The following GDAP1L1 variants were observed in gnomAD, a reference collection of about 807,000 sequenced individuals.
GDAP1L1 encodes the protein ganglioside-induced differentiation-associated protein 1-like 1.
In GDAP1L1, 21 loss-of-function variants were observed where a neutral mutation model predicts 37.1. The ratio of observed to expected loss-of-function variants is 0.57; its 90% CI spans 0.40 to 0.81. GDAP1L1 has a LOEUF of 0.81. Among genes scored for constraint, GDAP1L1 ranks in the 40% least tolerant of loss-of-function variants. The pLI is 0.00. For synonymous variants in GDAP1L1, 193 were observed against 209.1 expected (o/e 0.92, Z 0.67); for missense variants, 362 against 491.6 (o/e 0.74, Z 2.49).
intron 5 of GDAP1L1, chr20:44,264,970 T>C (rs2073738692): frequency 1.0e-6 from 1 of 985,162 alleles, no homozygotes; most frequent in Admixed American, 6.2e-5. Flanking sequence ...TCTCGATGGG[T>C]CCAGTGTTGT....
chr20:44,264,777 C>T, intron 5 of GDAP1L1: 1 of 1,201,002 alleles, frequency 8.3e-7, no homozygotes. Flanking sequence ...TTCAGTTTCC[C>T]ATCTATAAAA....
At chr20:44,266,329 A>T (rs1006514054) in intron 5 of GDAP1L1, among the ~76,000 whole-genome samples, 5 of 152,080 alleles carry the variant, frequency 3.3e-5, no homozygotes, top group African/African-American at 1.2e-4. Context: ...CCAAAAAAAA[A>T]AAAGGAACTT....
intron 5 of GDAP1L1, among the ~76,000 whole-genome samples, chr20:44,270,422 G>A (rs560495195): frequency 4.0e-4 from 61 of 152,076 alleles, no homozygotes; most frequent in African/African-American, 1.2e-3. Flanking sequence ...CACCCGCCTC[G>A]GCCTCCCAAA....
At chr20:44,258,096 G>A in intron 2 of GDAP1L1, 1 of 713,312 alleles carries the variant, frequency 1.4e-6, no homozygotes, top group Non-Finnish European at 2.6e-6. Flanking sequence ...TTAAAAGAAT[G>A]TGAGTTGGTT....
chr20:44,279,660 C>T lies in GDAP1L1; in HGVS notation c.*360C>T, dbSNP rs572455060. The T allele has an allele frequency of 1.7e-5, 8 of 480,384 alleles. No individual in the cohort carries two copies. In the East Asian group the frequency reaches 5.3e-4, roughly 32 times the overall value. The allele number at this position is 480,384 out of a possible 1,614,324, so 29.8% of individuals were successfully genotyped here. The stretch of plus-strand genomic sequence containing the variant: ...TGTTTCGTCCACCAGGGCCCAGATT[C>T]TGGGAGGTGCTGGGGACTCAGAGGG... On this transcript the variant is annotated 3_prime_UTR_variant, in exon 6 of 6. Transcript: ENST00000342560.
chr20:44,250,987 A>G (rs2073430882), intron 1 of GDAP1L1, among the ~76,000 whole-genome samples: 1 of 151,728 alleles, frequency 6.6e-6, no homozygotes, highest in African/African-American at 2.4e-5. Context: ...GGCAGGAAGA[A>G]CTGCCCTACC....
At position 44,262,979 on chromosome 20, in the gene GDAP1L1, G is replaced by A. The variant is rs6103699; in HGVS notation, c.548-251G>A. The stretch of plus-strand genomic sequence containing the variant: ...CTCACCTCAGCCTCCCAAAGTGTTA[G>A]GATTACAGGGGTGAGCCATTGGCTG... On this transcript the variant is annotated intron_variant, in intron 3 of 5. Transcript: ENST00000342560. Among the ~76,000 whole-genome samples, 228 of 152,202 alleles carry A rather than the reference G, an allele frequency of 1.5e-3. 1 individual carries two copies. Among genetic ancestry groups the A allele is most frequent in the African/African-American group, 4.8e-3 (201 of 41,524 alleles).
At chr20:44,264,020 G>A (rs775858695) in intron 4 of GDAP1L1, among the ~76,000 whole-genome samples, 1 of 152,184 alleles carries the variant, frequency 6.6e-6, no homozygotes, top group Non-Finnish European at 1.5e-5. Context: ...AAGCTCTGGA[G>A]CACAAATGGC....
At chr20:44,253,730 C>G (rs1445756095) in intron 1 of GDAP1L1, among the ~76,000 whole-genome samples, 2 of 152,228 alleles carry the variant, frequency 1.3e-5, no homozygotes, top group Non-Finnish European at 2.9e-5. Flanking sequence ...GCTTGGCTTC[C>G]TCTCTGGGTC....
At chr20:44,257,370 GC>G (rs1435469606) in intron 2 of GDAP1L1, 25 bp downstream of exon 2, 6 of 1,601,888 alleles carry the variant, frequency 3.7e-6, no homozygotes, top group Middle Eastern at 1.7e-4. Context: ...CCACCCAGGG[GC>G]CCACTCCATA....
At chr20:44,271,125 G>A (rs932328209) in intron 5 of GDAP1L1, among the ~76,000 whole-genome samples, 2 of 152,130 alleles carry the variant, frequency 1.3e-5, no homozygotes, top group African/African-American at 4.8e-5. Context: ...TTAGCTGGAT[G>A]TAGTAGTACA....
chr20:44,248,263 T>A (rs1371262863), intron 1 of GDAP1L1, among the ~76,000 whole-genome samples: 1 of 152,188 alleles, frequency 6.6e-6, no homozygotes, highest in Non-Finnish European at 1.5e-5. Flanking sequence ...GGTAAGGCTG[T>A]GAACTGCACC....
chr20:44,262,186 G>A (rs2073685226), intron 3 of GDAP1L1, among the ~76,000 whole-genome samples: 1 of 152,092 alleles, frequency 6.6e-6, no homozygotes, highest in Admixed American at 6.6e-5. Flanking sequence ...GGTAGGGGTG[G>A]GGAGAAGGGC....
intron 1 of GDAP1L1, among the ~76,000 whole-genome samples, chr20:44,254,714 G>A (rs565742899): frequency 5.9e-5 from 9 of 152,272 alleles, no homozygotes; most frequent in South Asian, 4.1e-4. Context: ...TGCACCATGC[G>A]CCCCACCTAT....
chr20:44,254,804 C>T lies in GDAP1L1; in HGVS notation c.181-2349C>T, dbSNP rs118030957. Reference sequence around the variant, plus strand: ...TTCAGGGCAAGTTACCCTTCCCTTCCCATGATCCACCAAACAGGAGGAGGT... The same window carrying T: ...TTCAGGGCAAGTTACCCTTCCCTTCTCATGATCCACCAAACAGGAGGAGGT... On this transcript the variant is annotated intron_variant, in intron 1 of 5. Coordinates refer to ENST00000342560, the MANE Select transcript of GDAP1L1 (RefSeq NM_024034.6). Among the ~76,000 whole-genome samples the T allele has an allele frequency of 1.1e-4, 17 of 152,274 alleles. 1 individual carries two copies. The East Asian group carries it at 3.3e-3, about 29-fold the overall frequency.
chr20:44,272,111 G>GC (rs1257902896), intron 5 of GDAP1L1, among the ~76,000 whole-genome samples: 1 of 152,228 alleles, frequency 6.6e-6, no homozygotes, highest in Non-Finnish European at 1.5e-5. Flanking sequence ...GAGGGCATGA[G>GC]CCCCGGGGGG....
chr20:44,280,486 C>A lies in GDAP1L1; in HGVS notation c.*1186C>A. 6.5e-6 allele frequency: 1 copy of A among 152,838 alleles called. No homozygotes were observed. The highest frequency in any genetic ancestry group is 1.5e-5 in the Non-Finnish European group (1 of 68,144). 9.5% of individuals were successfully genotyped at this position (152,838 alleles called of 1,614,324 possible). A position where few individuals can be genotyped will look rare whatever the true frequency, so the allele number is the denominator to read the frequency against. ...AGTCTCAGTTCTTCACAAGAGCAAG[C>A]AAGAGTTGACTGCCTGTCTCAAGTT... On this transcript the variant is annotated 3_prime_UTR_variant, in exon 6 of 6. Coordinates refer to ENST00000342560, the MANE Select transcript of GDAP1L1 (RefSeq NM_024034.6).
At chr20:44,257,883 C>T (rs562147836) in intron 2 of GDAP1L1, among the ~76,000 whole-genome samples, 1 of 152,112 alleles carries the variant, frequency 6.6e-6, no homozygotes, top group South Asian at 2.1e-4. Context: ...AGGGGAGGGC[C>T]CAGATACCCC....
intron 3 of GDAP1L1, among the ~76,000 whole-genome samples, chr20:44,261,838 G>A (rs13039657): frequency 1.3e-5 from 2 of 152,220 alleles, no homozygotes; most frequent in Non-Finnish European, 2.9e-5. Context: ...CTTCCTGGAG[G>A]AGGAAATCTT....
Sources: gnomAD v4.1 joint callset for allele counts (sites outside exome capture counted in the v4.1 genomes callset) on GRCh38, gnomAD v4.1.1 for gene constraint, MANE v1.5 for transcripts, NCBI Gene and HGNC (gene_info 2026-07-23, HGNC 2026-07-21) for gene names.